The following ME3 variants were observed in gnomAD, a reference collection of about 807,000 sequenced individuals.
ME3 encodes the protein malic enzyme 3, also known as NADP-dependent malic enzyme, mitochondrial.
A neutral mutation model predicts 68.9 loss-of-function variants in ME3; 48 were observed. The observed-to-expected ratio is 0.70, with a 90% CI of 0.55 to 0.89. The LOEUF is 0.89. Among genes scored for constraint, ME3 ranks in the 40% least tolerant of loss-of-function variants. The pLI is 0.00. For missense variants in ME3, 675 were observed against 797.4 expected (o/e 0.85, Z 1.85); for synonymous variants, 320 against 318.8 (o/e 1.00, Z -0.04).
chr11:86,506,025 C>A (rs527868244), intron 5 of ME3, among the ~76,000 whole-genome samples: 2 of 152,358 alleles, frequency 1.3e-5, no homozygotes, highest in African/African-American at 4.8e-5. Flanking sequence ...AGACTTCGAG[C>A]TCCTTGAGTA....
intron 8 of ME3, among the ~76,000 whole-genome samples, chr11:86,462,022 C>G (rs1156305757): frequency 6.6e-6 from 1 of 152,104 alleles, no homozygotes; most frequent in Non-Finnish European, 1.5e-5. Flanking sequence ...GACACAAAAA[C>G]CAATGAATGT....
intron 7 of ME3, among the ~76,000 whole-genome samples, chr11:86,483,178 T>C: frequency 6.6e-6 from 1 of 152,180 alleles, no homozygotes; most frequent in East Asian, 1.9e-4. Flanking sequence ...AGTACGTATA[T>C]TTGAACAGAA....
chr11:86,486,007 T>C (rs1036602404), intron 7 of ME3, among the ~76,000 whole-genome samples: 4 of 152,142 alleles, frequency 2.6e-5, no homozygotes, highest in African/African-American at 9.7e-5. Context: ...ACTTCCTCTA[T>C]CCTTAAACCT....
intron 7 of ME3, among the ~76,000 whole-genome samples, chr11:86,466,167 C>G (rs1355258722): frequency 6.6e-6 from 1 of 152,158 alleles, no homozygotes; most frequent in Admixed American, 6.5e-5. Context: ...TTGCTACAGG[C>G]CCCCTCAGCT....
downstream of ME3, among the ~76,000 whole-genome samples, chr11:86,440,717 A>T (rs1260302495): frequency 6.6e-6 from 1 of 151,934 alleles, no homozygotes; most frequent in Non-Finnish European, 1.5e-5. Flanking sequence ...CATGGACTAA[A>T]CTCCCTGATG....
intron 4 of ME3, among the ~76,000 whole-genome samples, chr11:86,552,707 C>G (rs1956753718): frequency 6.6e-6 from 1 of 152,166 alleles, no homozygotes; most frequent in African/African-American, 2.4e-5. Context: ...AGTTCAAAAT[C>G]TATCGTAGTC....
intron 7 of ME3, among the ~76,000 whole-genome samples, chr11:86,465,756 C>T (rs1950445592): frequency 6.6e-6 from 1 of 152,228 alleles, no homozygotes; most frequent in South Asian, 2.1e-4. Flanking sequence ...GGAAAGGCCA[C>T]TGCATTAAGA....
intron 4 of ME3, among the ~76,000 whole-genome samples, chr11:86,526,064 G>A (rs1954721645): frequency 6.6e-6 from 1 of 152,220 alleles, no homozygotes; most frequent in East Asian, 1.9e-4. Context: ...CCGAAGCAGG[G>A]CGAGGCATTG....
intron 2 of ME3, among the ~76,000 whole-genome samples, chr11:86,646,498 G>C (rs940532476): frequency 4.6e-5 from 7 of 152,130 alleles, no homozygotes; most frequent in African/African-American, 1.7e-4. Flanking sequence ...GACAGGATTA[G>C]AGAACAAAGA....
intron 4 of ME3, among the ~76,000 whole-genome samples, chr11:86,519,127 T>C (rs1954087739): frequency 6.6e-6 from 1 of 152,236 alleles, no homozygotes; most frequent in Admixed American, 6.5e-5. Context: ...AACCATCCAA[T>C]TTTTGTGTAG....
At chr11:86,513,955 A>C (rs2139133549) in intron 4 of ME3, among the ~76,000 whole-genome samples, 1 of 152,230 alleles carries the variant, frequency 6.6e-6, no homozygotes, top group South Asian at 2.1e-4. Context: ...CTGGGTCCCC[A>C]CCCAAATCTC....
chr11:86,543,053 TA>T (rs1379403086), intron 4 of ME3, among the ~76,000 whole-genome samples: 1 of 152,222 alleles, frequency 6.6e-6, no homozygotes, highest in African/African-American at 2.4e-5. Flanking sequence ...CCAGCCAAAC[TA>T]AGCTTCATAA....
intron 2 of ME3, among the ~76,000 whole-genome samples, chr11:86,651,960 T>C (rs866638257): frequency 1.6e-4 from 24 of 152,284 alleles, no homozygotes; most frequent in African/African-American, 5.8e-4. Flanking sequence ...CAAGCCTCAG[T>C]AGCCGATTCG....
chr11:86,596,795 A>T (rs1200550705), intron 2 of ME3, among the ~76,000 whole-genome samples: 1 of 152,356 alleles, frequency 6.6e-6, no homozygotes, highest in South Asian at 2.1e-4. Context: ...GTAACTCATT[A>T]TATCACTTGG....
At chr11:86,445,313 T>TG (rs1211954595) in intron 13 of ME3, among the ~76,000 whole-genome samples, 2 of 152,326 alleles carry the variant, frequency 1.3e-5, no homozygotes, top group East Asian at 3.9e-4. Flanking sequence ...TGCACAGCCT[T>TG]GGAGAGCCAG....
At chr11:86,656,249 A>G (rs61904301) in intron 2 of ME3, among the ~76,000 whole-genome samples, 28,021 of 151,112 alleles carry the variant, frequency 0.19, 2,672 homozygotes, top group African/African-American at 0.22. Flanking sequence ...CCATTACTGG[A>G]TATATACCCA....
chr11:86,672,010 C>T, intron 1 of ME3, 52 bp from the exon 2 acceptor site: 1 of 1,314,506 alleles, frequency 7.6e-7, no homozygotes, highest in Non-Finnish European at 9.7e-7. Context: ...CAGCCAGGAC[C>T]CACGCGCGCT....
intron 2 of ME3, among the ~76,000 whole-genome samples, chr11:86,576,604 C>G (rs1958131199): frequency 6.6e-6 from 1 of 152,198 alleles, no homozygotes; most frequent in South Asian, 2.1e-4. Context: ...GGTCCCATTT[C>G]CTTCCTTTAT....
chr11:86,524,878 C>T (rs1038329233), intron 4 of ME3, among the ~76,000 whole-genome samples: 7 of 152,180 alleles, frequency 4.6e-5, no homozygotes, highest in African/African-American at 1.4e-4. Flanking sequence ...GAGAAGCACA[C>T]ATTTGATCTA....
Sources: allele counts gnomAD v4.1 joint callset (sites outside exome capture counted in the v4.1 genomes callset), GRCh38; gene constraint gnomAD v4.1.1; transcripts MANE v1.5; gene names NCBI Gene and HGNC (gene_info 2026-07-23, HGNC 2026-07-21).